AKAP19: variants seen among roughly 807,000 people sequenced by gnomAD.
The protein encoded by AKAP19 is A-kinase anchoring protein 19, also known as small A-kinase anchoring protein.
chr2:189,977,934 G>A, the AKAP19 span, among the ~76,000 whole-genome samples: 32 of 152,112 alleles, frequency 2.1e-4, no homozygotes, highest in African/African-American at 7.5e-4. Context: ...TTCACTTTCA[G>A]TACAATATTC....
chr2:189,976,082 C>A, the AKAP19 span, among the ~76,000 whole-genome samples: 1 of 152,182 alleles, frequency 6.6e-6, no homozygotes, highest in Non-Finnish European at 1.5e-5. Flanking sequence ...CAGCTTCCTG[C>A]TCTGTTTTTT....
the AKAP19 span, among the ~76,000 whole-genome samples, chr2:189,999,299 AT>A: frequency 4.6e-5 from 7 of 151,904 alleles, no homozygotes; most frequent in Non-Finnish European, 8.8e-5. Context: ...ATTTCAAGAT[AT>A]TTGCTAATTT....
chr2:190,134,737 T>G, the AKAP19 span, among the ~76,000 whole-genome samples: 26 of 152,328 alleles, frequency 1.7e-4, no homozygotes, highest in East Asian at 4.4e-3. Context: ...TTTATCCTTC[T>G]GTTAAGTTAA....
the AKAP19 span, among the ~76,000 whole-genome samples, chr2:189,932,913 A>G: frequency 6.6e-6 from 1 of 152,112 alleles, no homozygotes; most frequent in Non-Finnish European, 1.5e-5. Flanking sequence ...TATCTTAAAG[A>G]TACTTAAAAT....
At chr2:189,993,856 T>G in the AKAP19 span, among the ~76,000 whole-genome samples, 1 of 152,162 alleles carries the variant, frequency 6.6e-6, no homozygotes, top group Admixed American at 6.5e-5. Context: ...TCGTAATACC[T>G]CCCATTACAT....
chr2:190,019,850 C>T, the AKAP19 span, among the ~76,000 whole-genome samples: 21 of 152,070 alleles, frequency 1.4e-4, no homozygotes, highest in Non-Finnish European at 8.8e-5. Flanking sequence ...CCTTCTGATG[C>T]CATTTTTCAC....
At chr2:190,046,909 T>G in the AKAP19 span, among the ~76,000 whole-genome samples, 1 of 152,218 alleles carries the variant, frequency 6.6e-6, no homozygotes. Context: ...ACAATGAATT[T>G]AAACCATTAT....
chr2:190,047,464 G>A, the AKAP19 span, among the ~76,000 whole-genome samples: 1 of 152,168 alleles, frequency 6.6e-6, no homozygotes, highest in Non-Finnish European at 1.5e-5. Context: ...CCACATAGTT[G>A]TCAGGACAAG....
chr2:189,976,736 A>G, the AKAP19 span, among the ~76,000 whole-genome samples: 1 of 152,132 alleles, frequency 6.6e-6, no homozygotes, highest in Non-Finnish European at 1.5e-5. Flanking sequence ...CTGCTGTGCT[A>G]GCAATTAGTG....
the AKAP19 span, among the ~76,000 whole-genome samples, chr2:189,980,836 G>A: frequency 6.6e-6 from 1 of 152,116 alleles, no homozygotes; most frequent in Non-Finnish European, 1.5e-5. Flanking sequence ...GGTTTTGAGA[G>A]TTCTTCTTGG....
the AKAP19 span, among the ~76,000 whole-genome samples, chr2:189,950,908 C>G: frequency 6.6e-6 from 1 of 152,116 alleles, no homozygotes; most frequent in East Asian, 1.9e-4. Context: ...GCTCTCTATC[C>G]CTGTTATTAG....
At chr2:190,049,730 T>G in the AKAP19 span, among the ~76,000 whole-genome samples, 1 of 152,230 alleles carries the variant, frequency 6.6e-6, no homozygotes, top group Non-Finnish European at 1.5e-5. Context: ...CATCTGAACT[T>G]CTATGAGATA....
At chr2:189,953,704 C>A in the AKAP19 span, among the ~76,000 whole-genome samples, 1 of 150,214 alleles carries the variant, frequency 6.7e-6, no homozygotes. Flanking sequence ...TCCCAACAAT[C>A]TATGAGGTGA....
chr2:189,942,316 T>C, the AKAP19 span, among the ~76,000 whole-genome samples: 1 of 152,148 alleles, frequency 6.6e-6, no homozygotes, highest in Admixed American at 6.6e-5. Context: ...ATGCCTGCTC[T>C]CCCTTTGCCT....
At chr2:189,885,217 C>T in the AKAP19 span, among the ~76,000 whole-genome samples, 3 of 152,158 alleles carry the variant, frequency 2.0e-5, no homozygotes, top group Admixed American at 6.6e-5. Context: ...TTATAACAGA[C>T]GTGATGCCAT....
At chr2:189,975,771 G>A in the AKAP19 span, among the ~76,000 whole-genome samples, 13 of 151,994 alleles carry the variant, frequency 8.6e-5, no homozygotes, top group South Asian at 2.1e-4. Context: ...CCAGTTGATC[G>A]AATCGGCTAC....
At chr2:190,012,996 T>G in the AKAP19 span, among the ~76,000 whole-genome samples, 1 of 152,214 alleles carries the variant, frequency 6.6e-6, no homozygotes, top group African/African-American at 2.4e-5. Context: ...AATGTGCTAT[T>G]AAATTTGGTT....
chr2:190,074,610 A>G, the AKAP19 span, among the ~76,000 whole-genome samples: 1 of 151,616 alleles, frequency 6.6e-6, no homozygotes. Flanking sequence ...GAGATATCAC[A>G]CCACTGCACT....
the AKAP19 span, among the ~76,000 whole-genome samples, chr2:190,064,902 A>T: frequency 6.6e-6 from 1 of 152,180 alleles, no homozygotes; most frequent in Non-Finnish European, 1.5e-5. Context: ...CTTATTATTC[A>T]TGATTTCTGT....
Sources: gnomAD v4.1 joint callset for allele counts (sites outside exome capture counted in the v4.1 genomes callset) on GRCh38, gnomAD v4.1.1 for gene constraint, MANE v1.5 for transcripts, NCBI Gene and HGNC (gene_info 2026-07-23, HGNC 2026-07-21) for gene names.